Variants in UHRF1 observed in about 807,000 individuals in gnomAD.
UHRF1 encodes E3 ubiquitin-protein ligase UHRF1.
A neutral mutation model predicts 96.5 loss-of-function variants in UHRF1; 9 were observed. The observed-to-expected ratio is 0.09, with a 90% CI of 0.06 to 0.16. The LOEUF (loss-of-function observed/expected upper bound fraction) is 0.16, where lower values mean the gene tolerates loss of function less well. Among genes scored for constraint, UHRF1 ranks in the 10% least tolerant of loss-of-function variants. The pLI is 1.00. For synonymous variants in UHRF1, 455 were observed against 469.9 expected (o/e 0.97, Z 0.41); for missense variants, 626 against 1,131.1 (o/e 0.55, Z 6.40).
chr19:4,911,234 T>C (rs2032262829), intron 2 of UHRF1, among the ~76,000 whole-genome samples, 196 bp downstream of exon 2: 2 of 151,898 alleles, frequency 1.3e-5, no homozygotes, highest in African/African-American at 2.4e-5. Flanking sequence ...GACTCACAGA[T>C]TGACACGCTG....
rs200254630 is a variant in UHRF1, at chr19:4,950,777, A to G, written c.1680+4A>G. On this transcript the variant is annotated splice_donor_region_variant and intron_variant, in intron 12 of 16. Coordinates refer to ENST00000650932, the MANE Select transcript of UHRF1 (RefSeq NM_001048201.3). ...CCGCTACGATGGCATCTACAAGGTG[A>G]GTGCCCCTTGAGGAGGCCGGGGGCT... 5.2e-5 allele frequency: 84 copies of G among 1,613,076 alleles called. No homozygotes were observed. The highest frequency in any genetic ancestry group is 7.0e-5 in the Non-Finnish European group (82 of 1,179,660).
chr19:4,935,307 C>G lies in UHRF1; in HGVS notation c.785+2351C>G, dbSNP rs17884191. 5.7e-3 allele frequency among the ~76,000 whole-genome samples: 865 copies of G among 152,308 alleles called. 5 individuals carry two copies. Among genetic ancestry groups the G allele is most frequent in the African/African-American group, 0.02 (825 of 41,580 alleles). On this transcript the variant is annotated intron_variant, in intron 5 of 16. Coordinates refer to ENST00000650932, the MANE Select transcript of UHRF1 (RefSeq NM_001048201.3). ...AAGGGCAGTTCCCCTGCACACACTC[C>G]CTTGCCTGCCGCTGTGTAAGATGTG... is the stretch of plus-strand genomic sequence containing the variant.
intron 2 of UHRF1, among the ~76,000 whole-genome samples, chr19:4,922,584 C>G (rs953402699): frequency 2.6e-5 from 4 of 152,196 alleles, no homozygotes; most frequent in Non-Finnish European, 5.9e-5. Flanking sequence ...AAATTTAGAA[C>G]AATTACTGCC....
intron 2 of UHRF1, among the ~76,000 whole-genome samples, chr19:4,918,963 C>T (rs1425139024): frequency 3.3e-5 from 5 of 151,658 alleles, no homozygotes; most frequent in African/African-American, 1.2e-4. Context: ...CTCAAATGAT[C>T]CTTCTGCCTC....
intron 2 of UHRF1, among the ~76,000 whole-genome samples, chr19:4,915,737 C>A (rs538630752): frequency 3.6e-4 from 54 of 151,962 alleles, no homozygotes; most frequent in Non-Finnish European, 6.8e-4. Context: ...AAAAACAAAA[C>A]CAAAACAAAA....
chr19:4,938,589 G>T (rs1015916489), intron 5 of UHRF1, among the ~76,000 whole-genome samples: 15 of 148,838 alleles, frequency 1.0e-4, no homozygotes, highest in Non-Finnish European at 1.9e-4. Flanking sequence ...GTGCAGTGGC[G>T]TGATCTCAGC....
At chr19:4,904,756 G>T (rs1214706458), upstream of UHRF1, among the ~76,000 whole-genome samples, 6 of 152,186 alleles carry the variant, frequency 3.9e-5, no homozygotes, top group East Asian at 1.2e-3. Flanking sequence ...GGGTGTGGGG[G>T]GTGGAATCAA....
intron 2 of UHRF1, among the ~76,000 whole-genome samples, chr19:4,926,949 G>A (rs1202435603): frequency 6.6e-6 from 1 of 152,084 alleles, no homozygotes; most frequent in African/African-American, 2.4e-5. Context: ...TGTAATCCCC[G>A]CTACTTGGGA....
intron 13 of UHRF1, among the ~76,000 whole-genome samples, chr19:4,953,982 G>T (rs1368583373): frequency 6.6e-6 from 1 of 152,036 alleles, no homozygotes; most frequent in Non-Finnish European, 1.5e-5. Context: ...CAAAGGGAAG[G>T]TTCACATCCC....
At chr19:4,958,331 G>T (rs1242830028) in intron 16 of UHRF1, among the ~76,000 whole-genome samples, 1 of 152,236 alleles carries the variant, frequency 6.6e-6, no homozygotes, top group Non-Finnish European at 1.5e-5. Context: ...AAGGGGCCTG[G>T]TAACACTGTC....
chr19:4,920,019 G>A (rs1350617149), intron 2 of UHRF1, among the ~76,000 whole-genome samples: 1 of 151,992 alleles, frequency 6.6e-6, no homozygotes, highest in Non-Finnish European at 1.5e-5. Context: ...GTTTCTCCAT[G>A]TTGGTCAGGC....
intron 3 of UHRF1, 68 bp downstream of exon 3, chr19:4,929,544 C>T: frequency 2.6e-6 from 4 of 1,547,168 alleles, no homozygotes; most frequent in Non-Finnish European, 3.5e-6. Context: ...TTTGCATACC[C>T]AGGGCTCACA....
At position 4,909,669 on chromosome 19, in the gene UHRF1, C is replaced by T; in HGVS notation, c.-11+14C>T. 7.6e-6 allele frequency: 4 copies of T among 527,760 alleles called. No individual in the cohort carries two copies. Among genetic ancestry groups the T allele is most frequent in the Non-Finnish European group, 9.9e-6 (3 of 302,838 alleles). 32.7% of individuals were successfully genotyped at this position (527,760 alleles called of 1,614,324 possible). ...GCGACCGGAGAGGTGAGCGGGCGGG[C>T]CGGGTCGGGGTGCCAGCCCGGGCCG... On this transcript the variant is annotated intron_variant, in intron 1 of 16. Coordinates refer to ENST00000650932, the MANE Select transcript of UHRF1 (RefSeq NM_001048201.3).
rs573826926 is a variant in UHRF1 at position 4,919,696 on chromosome 19, C to T, written c.153+8658C>T. On this transcript the variant is annotated intron_variant, in intron 2 of 16. Coordinates refer to ENST00000650932, the MANE Select transcript of UHRF1 (RefSeq NM_001048201.3). ...CCTTTTACCAGGCACAGTAGGAGAC[C>T]TTGAGTTAGGGCTGAGGTGGTGTCA... Among the ~76,000 whole-genome samples the T allele has an allele frequency of 2.3e-4, 35 of 152,170 alleles. No individual in the cohort carries two copies. The South Asian group carries it at 7.0e-3, about 31-fold the overall frequency.
intron 11 of UHRF1, among the ~76,000 whole-genome samples, chr19:4,948,967 C>CAAAAAAA (rs55757803): frequency 1.6e-4 from 8 of 51,192 alleles, no homozygotes; most frequent in African/African-American, 2.7e-4. Context: ...ACTAAGAATA[C>CAAAAAAA]AAAAAAAAAA....
intron 5 of UHRF1, 133 bp from the exon 6 acceptor site, chr19:4,941,395 G>T: frequency 1.5e-6 from 1 of 666,068 alleles, no homozygotes; most frequent in Non-Finnish European, 2.7e-6. Flanking sequence ...TTCTGTGAGT[G>T]CAGCTTTGAT....
chr19:4,954,617 C>A lies in UHRF1; in HGVS notation c.1958-33C>A, dbSNP rs753177600. ...TGTCTCTCCGGCAGCTCGGGCCACG[C>A]GCCCCTCCCTCACGCGCCCCACCCT... On this transcript the variant is annotated intron_variant, in intron 14 of 16. Transcript: ENST00000650932. The surrounding 1 kb of genome is among the most constrained non-coding windows in gnomAD (Gnocchi z 5.9). The A allele has an allele frequency of 1.9e-6, 3 of 1,605,946 alleles. No homozygotes were observed. The highest frequency in any genetic ancestry group is 2.6e-6 in the Non-Finnish European group (3 of 1,175,968).
intron 10 of UHRF1, among the ~76,000 whole-genome samples, chr19:4,946,796 G>A (rs925938929): frequency 2.6e-5 from 4 of 151,914 alleles, no homozygotes; most frequent in South Asian, 2.1e-4. Context: ...GGCTGATCTC[G>A]AACTCCTGGG....
In UHRF1 at chr19:4,954,306, T is replaced by C; in HGVS notation, c.1819-44T>C. 1 of 1,600,780 alleles carries C rather than the reference T, an allele frequency of 6.2e-7. No individual in the cohort carries two copies. Among genetic ancestry groups the C allele is most frequent in the Non-Finnish European group, 8.5e-7 (1 of 1,174,922 alleles). ...GGAAGAGCGGGCTCTGCATAGCGTG[T>C]GGGCCCCAAGCCTGACTCACGGCTG... On this transcript the variant is annotated intron_variant, in intron 13 of 16. Coordinates refer to ENST00000650932, the MANE Select transcript of UHRF1 (RefSeq NM_001048201.3). The surrounding 1 kb of genome is among the most constrained non-coding windows in gnomAD (Gnocchi z 5.9).
Sources: allele counts gnomAD v4.1 joint callset (sites outside exome capture counted in the v4.1 genomes callset), GRCh38; gene constraint gnomAD v4.1.1; non-coding constraint Gnocchi (gnomAD v3.1); transcripts MANE v1.5; gene names NCBI Gene and HGNC (gene_info 2026-07-23, HGNC 2026-07-21).